The following DDX46 variants were observed in gnomAD, a reference collection of about 807,000 sequenced individuals.
DDX46 encodes probable ATP-dependent RNA helicase DDX46.
A neutral mutation model predicts 134.9 loss-of-function variants in DDX46; 30 were observed. The ratio of observed to expected loss-of-function variants is 0.22; its 90% CI spans 0.17 to 0.30. The LOEUF (loss-of-function observed/expected upper bound fraction) is 0.30. Among genes scored for constraint, DDX46 ranks in the 10% least tolerant of loss-of-function variants. DDX46 has a pLI of 1.00. For synonymous variants in DDX46, 415 were observed against 404.1 expected, an observed-to-expected ratio of 1.03 and a Z score of -0.32; for missense variants, 622 against 1,248.7, an observed-to-expected ratio of 0.50 and a Z score of 7.56.
chr5:134,820,325 A>G (rs1278295446), intron 21 of DDX46, among the ~76,000 whole-genome samples: 2 of 152,234 alleles, frequency 1.3e-5, no homozygotes, highest in Non-Finnish European at 2.9e-5. Flanking sequence ...AGACTGCTAG[A>G]TAATAGCACC....
At chr5:134,825,591 C>G (rs192691511) in intron 21 of DDX46, among the ~76,000 whole-genome samples, 1 of 152,172 alleles carries the variant, frequency 6.6e-6, no homozygotes, top group Admixed American at 6.5e-5. Flanking sequence ...TAGCTCTCTA[C>G]GTTGCAAACC....
intron 12 of DDX46, among the ~76,000 whole-genome samples, chr5:134,789,538 C>T (rs1289949850): frequency 6.6e-6 from 1 of 151,556 alleles, no homozygotes; most frequent in Admixed American, 6.6e-5. Context: ...AGTCATTGTG[C>T]TTGTCTAGCA....
At chr5:134,764,463 A>G (rs931013590) in intron 2 of DDX46, among the ~76,000 whole-genome samples, 28 of 152,006 alleles carry the variant, frequency 1.8e-4, no homozygotes, top group African/African-American at 6.8e-4. Flanking sequence ...TTGTGTCTTT[A>G]AAAGAGACGG....
At chr5:134,787,012 T>C (rs888000141) in intron 11 of DDX46, among the ~76,000 whole-genome samples, 4 of 152,102 alleles carry the variant, frequency 2.6e-5, no homozygotes, top group Non-Finnish European at 5.9e-5. Context: ...ATCCTTGACC[T>C]CCTGGGCTTA....
chr5:134,822,751 A>T (rs1176308841), intron 21 of DDX46, among the ~76,000 whole-genome samples: 1 of 151,760 alleles, frequency 6.6e-6, no homozygotes, highest in Non-Finnish European at 1.5e-5. Flanking sequence ...AAATTTTTGT[A>T]TTTTTTGTAG....
chr5:134,767,102 A>C (rs770376981), intron 3 of DDX46, 42 bp downstream of exon 3: 1 of 1,544,746 alleles, frequency 6.5e-7, no homozygotes, highest in Non-Finnish European at 8.7e-7. Flanking sequence ...CAGACTGGGG[A>C]CTGCTTCCCT....
intron 21 of DDX46, among the ~76,000 whole-genome samples, chr5:134,824,198 T>TA (rs1755529331): frequency 1.3e-5 from 2 of 152,170 alleles, no homozygotes; most frequent in Non-Finnish European, 2.9e-5. Flanking sequence ...CACTGTCAAT[T>TA]TACACTCAGG....
At chr5:134,773,923 T>TC in intron 5 of DDX46, 62 bp downstream of exon 5, 1 of 1,410,374 alleles carries the variant, frequency 7.1e-7, no homozygotes, top group Non-Finnish European at 9.4e-7. Flanking sequence ...TGAATAATAT[T>TC]TCATAAGGGG....
chr5:134,818,627 G>A (rs1313968046), intron 20 of DDX46, among the ~76,000 whole-genome samples: 11 of 151,568 alleles, frequency 7.3e-5, no homozygotes, highest in African/African-American at 2.7e-4. Flanking sequence ...GCTTGAACCT[G>A]GGAGGCGGAG....
chr5:134,818,655 T>C (rs2150159748), intron 20 of DDX46, among the ~76,000 whole-genome samples: 1 of 150,704 alleles, frequency 6.6e-6, no homozygotes, highest in Admixed American at 6.6e-5. Flanking sequence ...TGAGCCAAGA[T>C]TGCACCATTG....
chr5:134,823,652 G>C (rs537327296), intron 21 of DDX46, among the ~76,000 whole-genome samples: 1 of 152,114 alleles, frequency 6.6e-6, no homozygotes, highest in African/African-American at 2.4e-5. Flanking sequence ...AAATACTTTT[G>C]GTCTGCCAAT....
intron 3 of DDX46, among the ~76,000 whole-genome samples, chr5:134,767,372 T>A (rs544721414): frequency 6.6e-6 from 1 of 152,234 alleles, no homozygotes; most frequent in South Asian, 2.1e-4. Context: ...AGGGTCTCAC[T>A]CTGTTGCCCA....
chr5:134,780,274 A>G (rs1204776532), intron 6 of DDX46, among the ~76,000 whole-genome samples: 2 of 150,072 alleles, frequency 1.3e-5, no homozygotes. Context: ...TTATTGTTAT[A>G]TATAATTGGC....
At chr5:134,781,029 A>G in intron 6 of DDX46, 104 bp from the exon 7 acceptor site, 1 of 808,770 alleles carries the variant, frequency 1.2e-6, no homozygotes, top group South Asian at 2.1e-5. Context: ...CTAAAAAAAG[A>G]AAAAAAACTA....
intron 2 of DDX46, among the ~76,000 whole-genome samples, chr5:134,765,096 T>C (rs1580769612): frequency 1.4e-5 from 2 of 147,160 alleles, no homozygotes; most frequent in South Asian, 4.3e-4. Flanking sequence ...TGAGACAGAG[T>C]CTCACTCTGT....
At chr5:134,778,375 C>A (rs896898277) in intron 6 of DDX46, among the ~76,000 whole-genome samples, 1 of 151,966 alleles carries the variant, frequency 6.6e-6, no homozygotes, top group Admixed American at 6.6e-5. Flanking sequence ...TTTTTCATAG[C>A]ATTTATTACA....
intron 8 of DDX46, 25 bp downstream of exon 8, chr5:134,782,111 T>C: frequency 6.4e-7 from 1 of 1,569,918 alleles, no homozygotes; most frequent in South Asian, 1.2e-5. Flanking sequence ...TTTCATTTAC[T>C]GGTTATAAGG....
rs188424342 is a variant in DDX46, at chr5:134,781,798, G to T, written c.880-123G>T. The T allele has an allele frequency of 6.3e-6, 6 of 952,548 alleles. No homozygotes were observed. The African/African-American group carries it at 1.0e-4, about 16-fold the overall frequency. 59.0% of individuals were successfully genotyped at this position (952,548 alleles called of 1,614,324 possible). On this transcript the variant is annotated intron_variant, in intron 7 of 22. Transcript: ENST00000452510. ...AATCTTGTGGGTCAAACAGTGTGTC[G>T]TAGAAAGTAAAATATTAGAGTAGTT... is the stretch of plus-strand genomic sequence containing the variant.
At chr5:134,777,334 A>G (rs1409737866) in intron 5 of DDX46, among the ~76,000 whole-genome samples, 2 of 152,204 alleles carry the variant, frequency 1.3e-5, no homozygotes, top group Non-Finnish European at 2.9e-5. Context: ...CCCTTTTACA[A>G]CCAATTTATG....
Sources: gnomAD v4.1 joint callset for allele counts (sites outside exome capture counted in the v4.1 genomes callset) on GRCh38, gnomAD v4.1.1 for gene constraint, MANE v1.5 for transcripts, NCBI Gene and HGNC (gene_info 2026-07-23, HGNC 2026-07-21) for gene names.